The following TBL1X variants were observed in gnomAD, a reference collection of about 807,000 sequenced individuals.
The protein encoded by TBL1X is transducin beta like 1 X-linked.
A neutral mutation model predicts 50.7 loss-of-function variants in TBL1X; 10 were observed. That is an observed-to-expected ratio of 0.20 (90% confidence interval 0.12 to 0.33). The LOEUF (loss-of-function observed/expected upper bound fraction) is 0.33. Among genes scored for constraint, TBL1X ranks in the 10% least tolerant of loss-of-function variants. The pLI, the probability that TBL1X is intolerant of heterozygous loss-of-function variation, is 1.00. For synonymous variants in TBL1X, 190 were observed against 214.7 expected (o/e 0.88, Z 1.01); for missense variants, 340 against 504.4 (o/e 0.67, Z 3.12).
intron 2 of TBL1X, among the ~76,000 whole-genome samples, chrX:9,506,516 G>GT (rs1274488069): frequency 2.7e-5 from 3 of 111,381 alleles, no homozygotes; most frequent in Admixed American, 9.5e-5. Context: ...CCAGGAGCTG[G>GT]TTTTTTGAAA....
chrX:9,563,606 A>G (rs1315625074), intron 2 of TBL1X, among the ~76,000 whole-genome samples: 2 of 112,655 alleles, frequency 1.8e-5, no homozygotes, highest in Non-Finnish European at 3.7e-5. Flanking sequence ...CCAGCTGTAC[A>G]TGAGTATTTA....
chrX:9,626,979 G>A (rs1264415391), intron 2 of TBL1X, among the ~76,000 whole-genome samples: 2 of 112,260 alleles, frequency 1.8e-5, no homozygotes, highest in Non-Finnish European at 3.8e-5. Flanking sequence ...CTTTTAAAAA[G>A]CATTGTATAT....
chrX:9,693,258 C>T (rs372804351), intron 10 of TBL1X, 46 bp downstream of exon 10: 57 of 1,206,868 alleles, frequency 4.7e-5, no homozygotes, highest in South Asian at 1.1e-4. Flanking sequence ...GAGGAGCTGC[C>T]GAACTTAACC....
At chrX:9,654,382 G>A (rs1012316609) in intron 5 of TBL1X, 60 bp downstream of exon 5, 1 of 1,110,570 alleles carries the variant, frequency 9.0e-7, no homozygotes, top group East Asian at 3.0e-5. Context: ...CAAGCAGAAG[G>A]ATCAACGCTT....
chrX:9,708,854 T>C (rs983862088), intron 13 of TBL1X, among the ~76,000 whole-genome samples: 1 of 111,062 alleles, frequency 9.0e-6, no homozygotes, highest in Admixed American at 9.6e-5. Context: ...GGAGACAGAG[T>C]GAGACCCTGT....
At position 9,705,030 on chromosome X, in the gene TBL1X, C is replaced by T; in HGVS notation, c.1152C>T (p.Thr384=). 8.2e-7 allele frequency: 1 copy of T among 1,212,292 alleles called. No individual in the cohort carries two copies. The highest frequency in any genetic ancestry group is 3.0e-5 in the East Asian group (1 of 33,872). The change falls in exon 13 of 18, where the codon ACC becomes ACT. Residue 384 remains threonine, a synonymous_variant. Coordinates refer to ENST00000645353, the MANE Select transcript of TBL1X (RefSeq NM_005647.4). ...ATGTGGACTGGCAGAACAACACGAC[C>T]TTTGCCTCCTGTAGCACAGACATGT... ...ALDVDWQNNT[T]FASCSTDMCI... is the part of the protein sequence containing the mutation.
intron 2 of TBL1X, among the ~76,000 whole-genome samples, chrX:9,525,315 A>G (rs767617720): frequency 4.5e-5 from 5 of 111,933 alleles, no homozygotes; most frequent in Non-Finnish European, 7.5e-5. Flanking sequence ...CTTGTTTTGA[A>G]TATTTAAAGT....
chrX:9,642,465 CAT>C (rs2082780844), intron 3 of TBL1X, among the ~76,000 whole-genome samples: 1 of 111,941 alleles, frequency 8.9e-6, no homozygotes, highest in Admixed American at 9.5e-5. Flanking sequence ...GGTTTCAACA[CAT>C]GTCCTCCTTT....
chrX:9,532,654 C>T (rs748698618), intron 2 of TBL1X, among the ~76,000 whole-genome samples: 4 of 111,147 alleles, frequency 3.6e-5, no homozygotes, highest in African/African-American at 6.6e-5. Context: ...AGTCCCAGAT[C>T]GAGGGGTCAG....
chrX:9,469,757 C>T (rs749211790), intron 1 of TBL1X, among the ~76,000 whole-genome samples: 134 of 112,135 alleles, frequency 1.2e-3, no homozygotes, highest in African/African-American at 4.1e-3. Context: ...CTGTCTCCCA[C>T]AGTTCCTCCA....
chrX:9,509,887 G>A (rs963040758), intron 2 of TBL1X, among the ~76,000 whole-genome samples: 4 of 111,022 alleles, frequency 3.6e-5, no homozygotes, highest in Non-Finnish European at 7.5e-5. Flanking sequence ...TGTGTTGACT[G>A]TACTGTTGGC....
At chrX:9,660,013 T>C (rs2082888288) in intron 5 of TBL1X, among the ~76,000 whole-genome samples, 1 of 112,318 alleles carries the variant, frequency 8.9e-6, no homozygotes, top group Non-Finnish European at 1.9e-5. Flanking sequence ...GTGCCGTTGG[T>C]CTAACCTTCT....
chrX:9,532,035 C>A (rs954549717), intron 2 of TBL1X, among the ~76,000 whole-genome samples: 2 of 111,613 alleles, frequency 1.8e-5, no homozygotes, highest in Non-Finnish European at 3.8e-5. Context: ...CACACTGGGG[C>A]GCAAGAGCAC....
chrX:9,515,137 C>CAA (rs1484448679), intron 2 of TBL1X, among the ~76,000 whole-genome samples: 1 of 111,835 alleles, frequency 8.9e-6, no homozygotes, highest in East Asian at 2.8e-4. Context: ...AAATAACACC[C>CAA]AACTTACTGC....
chrX:9,659,201 G>A (rs2082882837), intron 5 of TBL1X, among the ~76,000 whole-genome samples: 2 of 112,305 alleles, frequency 1.8e-5, no homozygotes, highest in South Asian at 7.3e-4. Flanking sequence ...GCTGGCTTGA[G>A]CATAGTCAAC....
intron 1 of TBL1X, among the ~76,000 whole-genome samples, chrX:9,497,180 G>A (rs760037098): frequency 1.8e-5 from 2 of 110,907 alleles, no homozygotes; most frequent in Admixed American, 9.6e-5. Context: ...AAGCCGAGGC[G>A]AGGGGTTAAC....
chrX:9,483,617 G>C (rs1339783408), intron 1 of TBL1X, among the ~76,000 whole-genome samples: 1 of 110,566 alleles, frequency 9.0e-6, no homozygotes, highest in Admixed American at 9.6e-5. Flanking sequence ...CCCTCCCCCT[G>C]AAGCCTGCCT....
At chrX:9,568,503 GTCTA>G (rs2082363856) in intron 2 of TBL1X, among the ~76,000 whole-genome samples, 1 of 110,946 alleles carries the variant, frequency 9.0e-6, no homozygotes, top group Admixed American at 9.6e-5. Context: ...TGTGTGTTGT[GTCTA>G]TCTGCGTGGT....
chrX:9,498,044 C>G (rs1742725853), intron 1 of TBL1X, among the ~76,000 whole-genome samples: 1 of 109,720 alleles, frequency 9.1e-6, no homozygotes, highest in South Asian at 3.9e-4. Flanking sequence ...CCTATTTTCC[C>G]TTTCCTGCTA....
Sources: allele counts gnomAD v4.1 joint callset (sites outside exome capture counted in the v4.1 genomes callset), GRCh38; gene constraint gnomAD v4.1.1; transcripts MANE v1.5; gene names NCBI Gene and HGNC (gene_info 2026-07-23, HGNC 2026-07-21).